Variants in DCDC1 observed in about 807,000 individuals in gnomAD.
The protein encoded by DCDC1 is doublecortin domain containing 1.
DCDC1 carries 200 observed loss-of-function variants against 178.3 expected under a neutral mutation model. The observed-to-expected ratio is 1.12, with a 90% CI of 1.00 to 1.26. The LOEUF is 1.26. DCDC1 is among the 50% of genes most tolerant of loss of function. The pLI is 0.00. For synonymous variants in DCDC1, 690 were observed against 604.8 expected, an observed-to-expected ratio of 1.14 and a Z score of -2.07; for missense variants, 1,983 against 1,749.2, an observed-to-expected ratio of 1.13 and a Z score of -2.38.
At chr11:31,209,221 C>G (rs1972214912) in intron 9 of DCDC1, among the ~76,000 whole-genome samples, 1 of 152,006 alleles carries the variant, frequency 6.6e-6, no homozygotes, top group East Asian at 1.9e-4. Context: ...CTGAAGCTAC[C>G]CAGAAAGAAA....
intron 9 of DCDC1, among the ~76,000 whole-genome samples, chr11:31,175,820 C>T (rs923771965): frequency 2.6e-5 from 4 of 152,344 alleles, no homozygotes; most frequent in Non-Finnish European, 5.9e-5. Flanking sequence ...ACTGAAGAAA[C>T]TGCATGGAGA....
At chr11:30,952,647 T>C in intron 20 of DCDC1, 79 bp from the exon 21 acceptor site, 2 of 566,080 alleles carry the variant, frequency 3.5e-6, no homozygotes, top group Middle Eastern at 6.8e-4. Flanking sequence ...ATTCATTGAG[T>C]ACTTACTATA....
At chr11:30,869,607 G>A (rs748268439) in intron 38 of DCDC1, among the ~76,000 whole-genome samples, 4 of 152,156 alleles carry the variant, frequency 2.6e-5, no homozygotes, top group African/African-American at 7.2e-5. Context: ...AACAGGTACA[G>A]GGGGAGCACA....
intron 33 of DCDC1, 129 bp downstream of exon 33, chr11:30,900,217 C>G: frequency 1.1e-6 from 1 of 881,462 alleles, no homozygotes; most frequent in South Asian, 3.8e-5. Flanking sequence ...ACCTTCTGTT[C>G]TTTGTATAAA....
intron 21 of DCDC1, among the ~76,000 whole-genome samples, chr11:30,945,242 T>C (rs911422422): frequency 3.3e-5 from 5 of 151,916 alleles, no homozygotes; most frequent in Admixed American, 3.3e-4. Flanking sequence ...GCTGGGATTA[T>C]AGGTGTGAGC....
At chr11:30,906,458 G>A in intron 30 of DCDC1, 82 bp downstream of exon 30, 2 of 1,380,650 alleles carry the variant, frequency 1.4e-6, no homozygotes, top group East Asian at 2.5e-5. Flanking sequence ...AGATGAACTT[G>A]AGTGCAAGGC....
At chr11:31,194,592 G>A (rs991055336) in intron 9 of DCDC1, among the ~76,000 whole-genome samples, 2 of 151,590 alleles carry the variant, frequency 1.3e-5, no homozygotes, top group African/African-American at 4.8e-5. Flanking sequence ...AGCCTTCTTT[G>A]TATAATTAAA....
rs1229861572 is a variant in DCDC1, at chr11:30,865,127, T to C, written c.*246A>G. ...TGTTAGAGTTGCATTCTCAGACTAA[T>C]ATCTTTACAGTCTTGAGAAATCACT... On this transcript the variant is annotated 3_prime_UTR_variant, in exon 39 of 39. Coordinates refer to ENST00000684477, the MANE Select transcript of DCDC1 (RefSeq NM_001387274.1). 5 of 152,188 alleles carry C rather than the reference T, an allele frequency of 3.3e-5. No homozygotes were observed. The highest frequency in any genetic ancestry group is 3.3e-4 in the Admixed American group (5 of 15,274). The allele number at this position is 152,188 out of a possible 1,614,324, so 9.4% of individuals were successfully genotyped here.
At chr11:31,273,537 A>G (rs889406808) in intron 7 of DCDC1, among the ~76,000 whole-genome samples, 6 of 152,172 alleles carry the variant, frequency 3.9e-5, no homozygotes, top group Admixed American at 6.5e-5. Flanking sequence ...CCTGGACTTC[A>G]TTGTCCATAT....
intron 11 of DCDC1, among the ~76,000 whole-genome samples, chr11:31,117,250 T>C (rs1342125598): frequency 3.9e-5 from 6 of 152,008 alleles, no homozygotes; most frequent in Non-Finnish European, 7.4e-5. Context: ...TGGGCAACAG[T>C]GGTTTCACAC....
At chr11:31,008,243 TAGA>T (rs1951970696) in intron 20 of DCDC1, among the ~76,000 whole-genome samples, 1 of 151,848 alleles carries the variant, frequency 6.6e-6, no homozygotes, top group Admixed American at 6.6e-5. Context: ...GAAGGAATAA[TAGA>T]AGGAGAGTTT....
chr11:31,128,050 A>ATATTT (rs1351746789), intron 10 of DCDC1, among the ~76,000 whole-genome samples: 1 of 152,040 alleles, frequency 6.6e-6, no homozygotes, highest in East Asian at 1.9e-4. Context: ...CCTTTTTAGA[A>ATATTT]TATTTTATTT....
intron 9 of DCDC1, among the ~76,000 whole-genome samples, chr11:31,149,716 G>A (rs1272736000): frequency 1.3e-5 from 2 of 150,026 alleles, no homozygotes; most frequent in Admixed American, 6.7e-5. Context: ...CTCCAGATGC[G>A]CCACCTTTAA....
chr11:31,176,527 A>G (rs1222721267), intron 9 of DCDC1, among the ~76,000 whole-genome samples: 2 of 152,178 alleles, frequency 1.3e-5, no homozygotes, highest in Non-Finnish European at 2.9e-5. Context: ...AGAGATATGA[A>G]CATCTAGATT....
chr11:31,333,292 G>A (rs988429284), intron 2 of DCDC1, among the ~76,000 whole-genome samples: 9 of 152,020 alleles, frequency 5.9e-5, no homozygotes, highest in African/African-American at 2.2e-4. Context: ...ACATGAGATG[G>A]GTCTCCTGAA....
In DCDC1 at chr11:30,962,842, CATT is replaced by C. The variant is rs541497942; in HGVS notation, c.2592-10277_2592-10275del. On this transcript the variant is annotated intron_variant, in intron 20 of 38. Transcript: ENST00000684477. ...TTTATATTCAGCACTAAAAACCTAT[CATT>C]ATCTCCCATAGTCAGAGTTTCATAC... Among the ~76,000 whole-genome samples, 6 of 152,164 alleles carry C rather than the reference CATT, an allele frequency of 3.9e-5. No homozygotes were observed. In the East Asian group the frequency reaches 1.2e-3, roughly 29 times the overall value.
rs1181232893 is a variant in DCDC1, at chr11:30,915,668, G to A, written c.3496C>T (p.Gln1166Ter). The change falls in exon 27 of 39, where the codon CAG (glutamine) becomes TAG (stop). Residue 1166 changes from glutamine (Q) to a stop codon, truncating the protein, a stop_gained. Coordinates refer to ENST00000684477, the MANE Select transcript of DCDC1 (RefSeq NM_001387274.1). LOFTEE classifies it high-confidence loss of function. ...ATCTGCCCATCTCTGTATTCGAACTGCTGATGACAATGCTTGTGCAATTTA... is the reference window on the plus strand; with the variant it reads ...ATCTGCCCATCTCTGTATTCGAACTACTGATGACAATGCTTGTGCAATTTA... ...HSKLHKHCHQ[Q>*]FEYRDGQIIS... 1.2e-6 allele frequency: 2 copies of A among 1,613,912 alleles called. No homozygotes were observed. Among genetic ancestry groups the A allele is most frequent in the African/African-American group, 2.7e-5 (2 of 75,044 alleles).
At chr11:30,944,105 T>C (rs1947841326) in intron 21 of DCDC1, 1 of 259,602 alleles carries the variant, frequency 3.9e-6, no homozygotes, top group Admixed American at 4.7e-5. Context: ...AGCTGATCTT[T>C]CTTCACAGTG....
chr11:31,023,986 T>C (rs1953062425), intron 20 of DCDC1, among the ~76,000 whole-genome samples: 1 of 151,998 alleles, frequency 6.6e-6, no homozygotes, highest in African/African-American at 2.4e-5. Context: ...GGACAATATA[T>C]AGCAAGAATT....
Sources: gnomAD v4.1 joint callset for allele counts (sites outside exome capture counted in the v4.1 genomes callset) on GRCh38, gnomAD v4.1.1 for gene constraint, MANE v1.5 for transcripts, NCBI Gene and HGNC (gene_info 2026-07-23, HGNC 2026-07-21) for gene names.